Variants in DACH2 observed in about 807,000 individuals in gnomAD.
DACH2 encodes the protein dachshund family transcription factor 2.
A neutral mutation model predicts 35.8 loss-of-function variants in DACH2; 17 were observed. The ratio of observed to expected loss-of-function variants is 0.48; its 90% CI spans 0.33 to 0.71. The LOEUF (loss-of-function observed/expected upper bound fraction) is 0.71, where lower values mean the gene tolerates loss of function less well. Among genes scored for constraint, DACH2 ranks in the 30% least tolerant of loss-of-function variants. DACH2 has a pLI of 0.02. For synonymous variants in DACH2, 195 were observed against 177.3 expected (o/e 1.10, Z -0.79); for missense variants, 469 against 472.7 (o/e 0.99, Z 0.07).
At chrX:86,309,898 G>A (rs2034763230) in intron 1 of DACH2, among the ~76,000 whole-genome samples, 1 of 112,181 alleles carries the variant, frequency 8.9e-6, no homozygotes, top group Non-Finnish European at 1.9e-5. Flanking sequence ...AGAAGGCTCT[G>A]CAACAGGTCC....
At chrX:86,453,050 AT>A (rs925321271) in intron 2 of DACH2, among the ~76,000 whole-genome samples, 4 of 111,439 alleles carry the variant, frequency 3.6e-5, no homozygotes, top group Non-Finnish European at 7.5e-5. Context: ...GAACTTCTTG[AT>A]TTCTGCCTTA....
chrX:86,609,389 G>A (rs1380916251), intron 3 of DACH2, among the ~76,000 whole-genome samples: 4 of 111,564 alleles, frequency 3.6e-5, no homozygotes, highest in Non-Finnish European at 7.5e-5. Flanking sequence ...GAATTTCTTT[G>A]TGTTTCTTCA....
chrX:86,745,876 C>T (rs751192378), intron 7 of DACH2, among the ~76,000 whole-genome samples: 1 of 111,494 alleles, frequency 9.0e-6, no homozygotes, highest in South Asian at 3.8e-4. Context: ...ATTCCTTTTT[C>T]TCCACAACCT....
intron 3 of DACH2, among the ~76,000 whole-genome samples, chrX:86,621,889 A>T (rs901560849): frequency 3.5e-4 from 39 of 112,208 alleles, no homozygotes; most frequent in Non-Finnish European, 2.3e-4. Flanking sequence ...ATTCAAAATA[A>T]TGTAGCTTAA....
intron 1 of DACH2, among the ~76,000 whole-genome samples, chrX:86,344,707 A>AT (rs1259599495): frequency 2.7e-5 from 3 of 110,156 alleles, no homozygotes; most frequent in Non-Finnish European, 3.8e-5. Context: ...CTTTTATTAT[A>AT]TTTTTTTCTG....
At chrX:86,355,238 G>T (rs1159430447) in intron 1 of DACH2, among the ~76,000 whole-genome samples, 1 of 112,171 alleles carries the variant, frequency 8.9e-6, no homozygotes, top group African/African-American at 3.2e-5. Context: ...ACATGATCTT[G>T]TTCTTTTTAT....
intron 9 of DACH2, among the ~76,000 whole-genome samples, chrX:86,813,483 G>A (rs747162495): frequency 9.4e-6 from 1 of 106,331 alleles, no homozygotes; most frequent in Admixed American, 1.0e-4. Flanking sequence ...GTGGTGGTGG[G>A]CGCCTGTAGT....
At chrX:86,823,444 C>A (rs1175753490) in intron 11 of DACH2, among the ~76,000 whole-genome samples, 2 of 111,905 alleles carry the variant, frequency 1.8e-5, no homozygotes, top group African/African-American at 6.5e-5. Context: ...TTACATTTTA[C>A]TTTTTTAATA....
chrX:86,821,934 T>C (rs1347448479), intron 11 of DACH2, among the ~76,000 whole-genome samples: 1 of 111,619 alleles, frequency 9.0e-6, no homozygotes, highest in Non-Finnish European at 1.9e-5. Context: ...ACAGGAGTAA[T>C]TCACTAATTA....
intron 1 of DACH2, among the ~76,000 whole-genome samples, chrX:86,344,323 C>CATATATATATATAT (rs761609271): frequency 5.5e-5 from 5 of 90,237 alleles, no homozygotes; most frequent in South Asian, 6.5e-4. Flanking sequence ...CTTGGAAGTG[C>CATATATATATATAT]ATATATATAT....
intron 1 of DACH2, among the ~76,000 whole-genome samples, chrX:86,169,517 G>A (rs1234572270): frequency 9.0e-6 from 1 of 110,533 alleles, no homozygotes; most frequent in East Asian, 2.9e-4. Context: ...AAGGCCAGTA[G>A]CTCTTAGACT....
At chrX:86,499,614 G>C (rs951813451) in intron 2 of DACH2, among the ~76,000 whole-genome samples, 1 of 111,583 alleles carries the variant, frequency 9.0e-6, no homozygotes, top group African/African-American at 3.3e-5. Context: ...TTTCACAACT[G>C]CTAAATGTTA....
rs754070701 is a variant in DACH2 at position 86,575,352 on chromosome X, G to A, written c.640+60961G>A. On this transcript the variant is annotated intron_variant, in intron 3 of 11. Transcript: ENST00000373125. ...ATGTTCAGCTGCAATGCAATGGTGGGGGGGGAAGCTTAAAATCCCAAAAAG... is the reference window on the plus strand; with the variant it reads ...ATGTTCAGCTGCAATGCAATGGTGGAGGGGGAAGCTTAAAATCCCAAAAAG... Among the ~76,000 whole-genome samples, 4 of 110,980 alleles carry A rather than the reference G, an allele frequency of 3.6e-5. No individual in the cohort carries two copies. The East Asian group carries it at 1.1e-3, about 32-fold the overall frequency.
At chrX:86,614,785 C>G (rs897567880) in intron 3 of DACH2, among the ~76,000 whole-genome samples, 3 of 111,402 alleles carry the variant, frequency 2.7e-5, no homozygotes, top group African/African-American at 6.5e-5. Flanking sequence ...TGAGTTAATT[C>G]ATACTCTCAT....
chrX:86,155,357 A>G (rs766918527), intron 1 of DACH2, among the ~76,000 whole-genome samples: 1 of 111,012 alleles, frequency 9.0e-6, no homozygotes, highest in South Asian at 3.7e-4. Context: ...TCATTTTAAT[A>G]TATTTATATT....
At chrX:86,417,255 A>G (rs2036722394) in intron 2 of DACH2, among the ~76,000 whole-genome samples, 1 of 111,176 alleles carries the variant, frequency 9.0e-6, no homozygotes, top group South Asian at 3.9e-4. Context: ...AATATTGGGG[A>G]TCAAATTTCA....
At chrX:86,525,213 T>C (rs1270990409) in intron 3 of DACH2, among the ~76,000 whole-genome samples, 1 of 111,302 alleles carries the variant, frequency 9.0e-6, no homozygotes, top group Admixed American at 9.6e-5. Context: ...AAACCCTGGG[T>C]ATTAAAAATT....
intron 1 of DACH2, among the ~76,000 whole-genome samples, chrX:86,189,044 A>G (rs1040160580): frequency 8.9e-6 from 1 of 111,934 alleles, no homozygotes; most frequent in African/African-American, 3.2e-5. Context: ...ATTCGAAGTG[A>G]CTCAGTATTT....
chrX:86,565,172 C>A (rs2039278210), intron 3 of DACH2, among the ~76,000 whole-genome samples: 1 of 111,668 alleles, frequency 9.0e-6, no homozygotes, highest in African/African-American at 3.2e-5. Flanking sequence ...AAGATAAATT[C>A]ATCTGCCTGC....
Sources: gnomAD v4.1 joint callset for allele counts (sites outside exome capture counted in the v4.1 genomes callset) on GRCh38, gnomAD v4.1.1 for gene constraint, MANE v1.5 for transcripts, NCBI Gene and HGNC (gene_info 2026-07-23, HGNC 2026-07-21) for gene names.